Variants in ST8SIA2 observed in about 807,000 individuals in gnomAD.
ST8SIA2 encodes alpha-2,8-sialyltransferase 8B.
In ST8SIA2, 22 loss-of-function variants were observed where a neutral mutation model predicts 37.6. That is an observed-to-expected ratio of 0.58 (90% confidence interval 0.42 to 0.83). ST8SIA2 has a LOEUF of 0.83. Among genes scored for constraint, ST8SIA2 ranks in the 40% least tolerant of loss-of-function variants. The pLI, the probability that ST8SIA2 is intolerant of heterozygous loss-of-function variation, is 0.00. For synonymous variants in ST8SIA2, 205 were observed against 201.2 expected, an observed-to-expected ratio of 1.02 and a Z score of -0.16; for missense variants, 382 against 484.7, an observed-to-expected ratio of 0.79 and a Z score of 1.99.
chr15:92,427,299 C>T (rs978552170), intron 1 of ST8SIA2, among the ~76,000 whole-genome samples: 8 of 150,444 alleles, frequency 5.3e-5, no homozygotes, highest in African/African-American at 9.8e-5. Context: ...TAATGCATCC[C>T]TACTGTCTCT....
intron 1 of ST8SIA2, among the ~76,000 whole-genome samples, chr15:92,425,021 A>T (rs1016825071): frequency 5.9e-5 from 9 of 152,210 alleles, no homozygotes; most frequent in Non-Finnish European, 8.8e-5. Context: ...AGTGTGCAAA[A>T]AGTATCCCCA....
chr15:92,404,091 A>G (rs1282853875), intron 1 of ST8SIA2, among the ~76,000 whole-genome samples: 1 of 152,216 alleles, frequency 6.6e-6, no homozygotes, highest in Non-Finnish European at 1.5e-5. Flanking sequence ...CTCCAGCAGA[A>G]TGCCAGAATG....
chr15:92,407,858 G>A (rs960526106), intron 1 of ST8SIA2, among the ~76,000 whole-genome samples: 8 of 152,198 alleles, frequency 5.3e-5, no homozygotes, highest in African/African-American at 9.7e-5. Flanking sequence ...TTCCTTTTGT[G>A]ATAAATTCAT....
Position 92,394,063 on chromosome 15 carries a change from C to CG in ST8SIA2, c.-2_-1insG. The CG allele has an allele frequency of 6.4e-7, 1 of 1,550,580 alleles. No homozygotes were observed. Among genetic ancestry groups the CG allele is most frequent in the Non-Finnish European group, 8.7e-7 (1 of 1,146,574 alleles). On this transcript the variant is annotated 5_prime_UTR_variant, in exon 1 of 6. Coordinates refer to ENST00000268164, the MANE Select transcript of ST8SIA2 (RefSeq NM_006011.4). The stretch of plus-strand genomic sequence containing the variant: ...GTGGGTCCCGGCGGGCGCGAACCCA[C>CG]CATGCAGCTGCAGTTCCGGAGCTGG...
intron 2 of ST8SIA2, among the ~76,000 whole-genome samples, chr15:92,432,178 G>A (rs2049720782): frequency 6.6e-6 from 1 of 152,150 alleles, no homozygotes; most frequent in Non-Finnish European, 1.5e-5. Context: ...TTTCTGATGA[G>A]TACATCAGCT....
chr15:92,457,156 T>G (rs1318767948), intron 5 of ST8SIA2, among the ~76,000 whole-genome samples: 2 of 152,250 alleles, frequency 1.3e-5, no homozygotes, highest in Non-Finnish European at 2.9e-5. Context: ...CCAGCTTTGC[T>G]GCTGATCGTT....
chr15:92,419,705 T>C (rs967056918), intron 1 of ST8SIA2, among the ~76,000 whole-genome samples: 2 of 152,176 alleles, frequency 1.3e-5, no homozygotes, highest in South Asian at 4.1e-4. Flanking sequence ...ATGAGCACCA[T>C]AGAGAAGTAG....
chr15:92,464,452 C>A lies in ST8SIA2; in HGVS notation c.*67C>A. ...AGCTACACCACAGGCAGATGGGAGTCGGGGTGGCACAAACAATAGAACAAG... is the reference window on the plus strand; with the variant it reads ...AGCTACACCACAGGCAGATGGGAGTAGGGGTGGCACAAACAATAGAACAAG... On this transcript the variant is annotated 3_prime_UTR_variant, in exon 6 of 6. Coordinates refer to ENST00000268164, the MANE Select transcript of ST8SIA2 (RefSeq NM_006011.4). The A allele has an allele frequency of 1.3e-6, 2 of 1,573,014 alleles. No homozygotes were observed. The highest frequency in any genetic ancestry group is 1.1e-5 in the South Asian group (1 of 90,030).
chr15:92,463,268 C>T (rs776138985), intron 5 of ST8SIA2, among the ~76,000 whole-genome samples: 3 of 152,188 alleles, frequency 2.0e-5, no homozygotes, highest in Non-Finnish European at 4.4e-5. Context: ...CTTTAACAGA[C>T]GACTTGAGGC....
chr15:92,447,980 A>T (rs2049854321), intron 5 of ST8SIA2, among the ~76,000 whole-genome samples: 1 of 152,190 alleles, frequency 6.6e-6, no homozygotes, highest in Admixed American at 6.5e-5. Context: ...ATAAGAGGAG[A>T]AACACTGCCC....
intron 3 of ST8SIA2, among the ~76,000 whole-genome samples, chr15:92,436,811 T>C (rs1262670889): frequency 6.6e-6 from 1 of 152,144 alleles, no homozygotes; most frequent in Non-Finnish European, 1.5e-5. Flanking sequence ...AGACAATGGA[T>C]GAGACGCGCC....
intron 2 of ST8SIA2, among the ~76,000 whole-genome samples, chr15:92,431,927 T>C (rs2049718628): frequency 1.3e-5 from 2 of 152,156 alleles, no homozygotes; most frequent in South Asian, 2.1e-4. Context: ...ATTTTACCAT[T>C]ACCCACACCA....
chr15:92,401,260 G>A (rs1034015382), intron 1 of ST8SIA2, among the ~76,000 whole-genome samples: 4 of 152,204 alleles, frequency 2.6e-5, no homozygotes, highest in South Asian at 4.1e-4. Context: ...AGACACCGTC[G>A]CCTGTGGCCG....
intron 2 of ST8SIA2, among the ~76,000 whole-genome samples, chr15:92,432,485 A>G (rs148417613): frequency 1.4e-4 from 21 of 152,318 alleles, no homozygotes; most frequent in Middle Eastern, 3.4e-3. Flanking sequence ...CCTTGTTTCT[A>G]TAAATGGGCA....
chr15:92,429,350 CA>C (rs2049698609), intron 1 of ST8SIA2, among the ~76,000 whole-genome samples: 1 of 152,112 alleles, frequency 6.6e-6, no homozygotes, highest in Non-Finnish European at 1.5e-5. Flanking sequence ...ACCGTGTGGC[CA>C]GACAGAATGG....
At chr15:92,458,001 C>T (rs564265660) in intron 5 of ST8SIA2, among the ~76,000 whole-genome samples, 1 of 152,358 alleles carries the variant, frequency 6.6e-6, no homozygotes, top group Admixed American at 6.5e-5. Context: ...CTGCTGGCTT[C>T]CTCCTTTCTT....
chr15:92,393,888 C>G lies in ST8SIA2; in HGVS notation c.-177C>G, dbSNP rs1488539678. ...AGCGGGCTCGCCGCGCCTGAGCAAC[C>G]CCTGCCTGTCGCTGCCGCTGCCGCT... On this transcript the variant is annotated 5_prime_UTR_variant, in exon 1 of 6. Coordinates refer to ENST00000268164, the MANE Select transcript of ST8SIA2 (RefSeq NM_006011.4). The G allele has an allele frequency of 4.3e-6, 1 of 234,660 alleles. No homozygotes were observed. Among genetic ancestry groups the G allele is most frequent in the Non-Finnish European group, 7.8e-6 (1 of 128,054 alleles). 14.5% of individuals were successfully genotyped at this position (234,660 alleles called of 1,614,324 possible).
At chr15:92,428,304 A>C (rs2141826547) in intron 1 of ST8SIA2, among the ~76,000 whole-genome samples, 1 of 152,358 alleles carries the variant, frequency 6.6e-6, no homozygotes, top group South Asian at 2.1e-4. Context: ...AAATTACTAA[A>C]GTTTGGGAAA....
At chr15:92,403,599 C>T (rs1298161685) in intron 1 of ST8SIA2, among the ~76,000 whole-genome samples, 1 of 152,072 alleles carries the variant, frequency 6.6e-6, no homozygotes, top group Non-Finnish European at 1.5e-5. Flanking sequence ...CGGCTGCACG[C>T]GGAGGAGTGA....
Sources: allele counts gnomAD v4.1 joint callset (sites outside exome capture counted in the v4.1 genomes callset), GRCh38; gene constraint gnomAD v4.1.1; transcripts MANE v1.5; gene names NCBI Gene and HGNC (gene_info 2026-07-23, HGNC 2026-07-21).